The following PTER variants were observed in gnomAD, a reference collection of about 807,000 sequenced individuals.
The protein encoded by PTER is N-acetyltaurine hydrolase.
PTER carries 38 observed loss-of-function variants against 29.6 expected under a neutral mutation model. The ratio of observed to expected loss-of-function variants is 1.28; its 90% CI spans 0.99 to 1.68. The LOEUF is 1.68. Ranked by LOEUF, PTER falls within the 40% of genes most tolerant of loss-of-function variation. The pLI is 0.00. For missense variants in PTER, 482 were observed against 427.8 expected (o/e 1.13, Z -1.12); for synonymous variants, 172 against 154.5 (o/e 1.11, Z -0.84).
At chr10:16,506,933 T>G (rs1836595240) in intron 4 of PTER, among the ~76,000 whole-genome samples, 2 of 151,924 alleles carry the variant, frequency 1.3e-5, no homozygotes, top group Non-Finnish European at 2.9e-5. Context: ...TGCACACGAT[T>G]TGGTGATTAT....
intron 1 of PTER, among the ~76,000 whole-genome samples, chr10:16,440,590 C>T (rs540637311): frequency 1.1e-4 from 16 of 152,236 alleles, no homozygotes; most frequent in African/African-American, 3.9e-4. Context: ...CAGGTATGTC[C>T]ACGTGACTTG....
intron 2 of PTER, among the ~76,000 whole-genome samples, chr10:16,486,149 G>A (rs113190735): frequency 1.0e-3 from 155 of 152,120 alleles, no homozygotes; most frequent in African/African-American, 2.0e-3. Flanking sequence ...TGATATTATC[G>A]AATCTTGGAT....
At chr10:16,503,630 T>A (rs1226245544) in intron 3 of PTER, among the ~76,000 whole-genome samples, 1 of 152,058 alleles carries the variant, frequency 6.6e-6, no homozygotes, top group Non-Finnish European at 1.5e-5. Context: ...GGTCTTGAAC[T>A]CCTGACCTCA....
At chr10:16,446,015 A>G (rs1225214363) in intron 1 of PTER, among the ~76,000 whole-genome samples, 1 of 152,160 alleles carries the variant, frequency 6.6e-6, no homozygotes, top group Non-Finnish European at 1.5e-5. Context: ...ATCATTTAGT[A>G]AAGTGCATCT....
chr10:16,503,549 C>T (rs1000343032), intron 3 of PTER, among the ~76,000 whole-genome samples: 4 of 152,106 alleles, frequency 2.6e-5, no homozygotes, highest in Admixed American at 2.0e-4. Flanking sequence ...GGATTACAGG[C>T]ACCCACCACT....
intron 1 of PTER, among the ~76,000 whole-genome samples, chr10:16,477,313 T>C (rs1835314348): frequency 6.6e-6 from 1 of 152,130 alleles, no homozygotes; most frequent in Non-Finnish European, 1.5e-5. Flanking sequence ...GATGTCTGTC[T>C]GTCTGCACAT....
At chr10:16,452,500 C>G (rs1834249501) in intron 1 of PTER, among the ~76,000 whole-genome samples, 1 of 151,870 alleles carries the variant, frequency 6.6e-6, no homozygotes, top group African/African-American at 2.4e-5. Context: ...TGGGGTTTTA[C>G]TATGTTGGTC....
chr10:16,467,860 A>C (rs1455249702), intron 1 of PTER, among the ~76,000 whole-genome samples: 1 of 152,182 alleles, frequency 6.6e-6, no homozygotes, highest in Non-Finnish European at 1.5e-5. Flanking sequence ...TGGAGTGTGA[A>C]GATACAGGAA....
At chr10:16,508,045 ATTTCTTT>A (rs1203403063) in intron 4 of PTER, among the ~76,000 whole-genome samples, 1 of 146,344 alleles carries the variant, frequency 6.8e-6, no homozygotes, top group African/African-American at 2.5e-5. Flanking sequence ...CATATGTTTT[ATTTCTTT>A]TTTCTTTTTT....
chr10:16,482,832 A>C, intron 1 of PTER, among the ~76,000 whole-genome samples: 1 of 151,966 alleles, frequency 6.6e-6, no homozygotes, highest in East Asian at 1.9e-4. Context: ...CCCAGGCTGG[A>C]GTGCAGTGGC....
downstream of PTER, chr10:16,514,401 T>C: frequency 1.4e-6 from 1 of 714,210 alleles, no homozygotes; most frequent in East Asian, 2.5e-5. Flanking sequence ...AGGTAGCATT[T>C]GATTTCCCCA....
intron 3 of PTER, among the ~76,000 whole-genome samples, chr10:16,502,411 T>C (rs563856153): frequency 9.8e-5 from 15 of 152,292 alleles, no homozygotes; most frequent in African/African-American, 3.6e-4. Context: ...AAGCAAAAGA[T>C]GGTCTCCATG....
downstream of PTER, among the ~76,000 whole-genome samples, chr10:16,515,372 C>G (rs934701718): frequency 1.3e-5 from 2 of 152,014 alleles, no homozygotes; most frequent in African/African-American, 4.8e-5. Context: ...TTTTTTCCAT[C>G]GTGTCTTTTT....
chr10:16,480,657 C>T (rs2000201), intron 1 of PTER, among the ~76,000 whole-genome samples: 40,356 of 151,912 alleles, frequency 0.27, 5,968 homozygotes, highest in South Asian at 0.4. Flanking sequence ...AAAATAGAGT[C>T]CTGGAAAGTC....
At chr10:16,506,871 A>G (rs1480452707) in intron 4 of PTER, among the ~76,000 whole-genome samples, 1 of 152,106 alleles carries the variant, frequency 6.6e-6, no homozygotes, top group Non-Finnish European at 1.5e-5. Flanking sequence ...GTTATGTGCG[A>G]GACCTAGTTG....
chr10:16,465,338 G>T (rs1345387887), intron 1 of PTER, among the ~76,000 whole-genome samples: 3 of 152,176 alleles, frequency 2.0e-5, no homozygotes, highest in Non-Finnish European at 2.9e-5. Flanking sequence ...CATATCTTCA[G>T]TTGAAGTTAG....
chr10:16,440,596 A>T (rs1833814719), intron 1 of PTER, among the ~76,000 whole-genome samples: 1 of 152,130 alleles, frequency 6.6e-6, no homozygotes, highest in African/African-American at 2.4e-5. Flanking sequence ...TGTCCACGTG[A>T]CTTGTTTGGC....
chr10:16,476,899 T>TTCTCTCTC (rs753988413), intron 1 of PTER, among the ~76,000 whole-genome samples: 25 of 134,996 alleles, frequency 1.9e-4, no homozygotes, highest in African/African-American at 6.7e-4. Context: ...CATCCTAGAA[T>TTCTCTCTC]TCTTTTTTTT....
chr10:16,457,846 T>C (rs1419018348), intron 1 of PTER, among the ~76,000 whole-genome samples: 1 of 152,026 alleles, frequency 6.6e-6, no homozygotes, highest in Non-Finnish European at 1.5e-5. Context: ...CAGCCTCAGG[T>C]GATCTACCTG....
Sources: allele counts gnomAD v4.1 joint callset (sites outside exome capture counted in the v4.1 genomes callset), GRCh38; gene constraint gnomAD v4.1.1; transcripts MANE v1.5; gene names NCBI Gene and HGNC (gene_info 2026-07-23, HGNC 2026-07-21).